LRRFIP1: variants seen among roughly 807,000 people sequenced by gnomAD.
LRRFIP1 encodes LRR binding FLII interacting protein 1, also known as leucine-rich repeat flightless-interacting protein 1.
LRRFIP1 carries 62 observed loss-of-function variants against 104.4 expected under a neutral mutation model. That is an observed-to-expected ratio of 0.59 (90% CI 0.48 to 0.73). The LOEUF (loss-of-function observed/expected upper bound fraction) is 0.73. LRRFIP1 is among the 30% of genes least tolerant of loss of function. The pLI, the probability that LRRFIP1 is intolerant of heterozygous loss-of-function variation, is 0.00. For synonymous variants in LRRFIP1, 300 were observed against 299.0 expected (o/e 1.00, Z -0.03); for missense variants, 796 against 824.5 (o/e 0.97, Z 0.42).
intron 19 of LRRFIP1, chr2:237,769,334 A>G (rs934117831): frequency 1.3e-5 from 2 of 152,464 alleles, no homozygotes; most frequent in African/African-American, 2.4e-5. Flanking sequence ...GACACTTAAC[A>G]TTTATGCATC....
At chr2:237,708,212 T>C (rs1000705096) in intron 1 of LRRFIP1, among the ~76,000 whole-genome samples, 6 of 152,220 alleles carry the variant, frequency 3.9e-5, no homozygotes, top group Non-Finnish European at 1.5e-5. Context: ...GCAAGTTACT[T>C]ACCCTCTCTG....
intron 1 of LRRFIP1, among the ~76,000 whole-genome samples, chr2:237,650,605 C>T (rs1015615035): frequency 2.6e-5 from 4 of 152,204 alleles, no homozygotes; most frequent in Non-Finnish European, 5.9e-5. Context: ...GCTGTAGGAG[C>T]AGCAGACCAG....
chr2:237,644,306 G>C (rs548444454), intron 1 of LRRFIP1, among the ~76,000 whole-genome samples: 4 of 152,362 alleles, frequency 2.6e-5, no homozygotes, highest in Non-Finnish European at 2.9e-5. Flanking sequence ...AAGTCACTTG[G>C]ACCAAGGTTT....
chr2:237,656,456 G>A (rs969247830), intron 1 of LRRFIP1, among the ~76,000 whole-genome samples: 3 of 152,190 alleles, frequency 2.0e-5, no homozygotes, highest in African/African-American at 7.2e-5. Context: ...ACTTGCTGAG[G>A]AAGGTAAGTT....
Position 237,781,637 on chromosome 2 carries a change from G to A in LRRFIP1, c.*2105G>A, listed in dbSNP as rs1480873450. On this transcript the variant is annotated 3_prime_UTR_variant, in exon 24 of 24. Transcript: ENST00000308482. The stretch of plus-strand genomic sequence containing the variant: ...TTAGTAAAATAAAACTTTTTTTGCA[G>A]ATGTAACGAATGGAAATTGGTTGCT... 6.6e-6 allele frequency among the ~76,000 whole-genome samples: 1 copy of A among 152,144 alleles called. No individual in the cohort carries two copies. Among genetic ancestry groups the A allele is most frequent in the African/African-American group, 2.4e-5 (1 of 41,432 alleles).
At chr2:237,708,008 C>A (rs2093898068) in intron 1 of LRRFIP1, among the ~76,000 whole-genome samples, 1 of 152,230 alleles carries the variant, frequency 6.6e-6, no homozygotes, top group Non-Finnish European at 1.5e-5. Flanking sequence ...CCCAGCTCCA[C>A]GCCAGCCAGC....
At chr2:237,675,199 A>T (rs2090970910) in intron 1 of LRRFIP1, among the ~76,000 whole-genome samples, 1 of 152,148 alleles carries the variant, frequency 6.6e-6, no homozygotes, top group Non-Finnish European at 1.5e-5. Context: ...CTTTGTCTCC[A>T]GCCCTAGCTG....
rs59469398 is a variant in LRRFIP1, at chr2:237,779,880, G to GTT, written c.*361_*362dup. 1.1e-3 allele frequency: 177 copies of GTT among 154,426 alleles called. No homozygotes were observed. The highest frequency in any genetic ancestry group is 6.9e-3 in the South Asian group (38 of 5,502). The allele number at this position is 154,426 out of a possible 1,614,324, so 9.6% of individuals were successfully genotyped here. On this transcript the variant is annotated 3_prime_UTR_variant, in exon 24 of 24. Transcript: ENST00000308482. Reference sequence around the variant, plus strand: ...AAGTAAAGATTCAGTTGGGACTTGAGTTTTTTTTTTTTTTCATGTGTCTTG... The same window carrying GTT: ...AAGTAAAGATTCAGTTGGGACTTGAGTTTTTTTTTTTTTTTTCATGTGTCTTG...
intron 1 of LRRFIP1, among the ~76,000 whole-genome samples, chr2:237,706,846 T>G (rs986453982): frequency 1.3e-5 from 2 of 152,180 alleles, no homozygotes; most frequent in South Asian, 4.2e-4. Flanking sequence ...CAGGCTGGTC[T>G]CGAACTCTTG....
chr2:237,758,862 A>G, intron 18 of LRRFIP1, 41 bp downstream of exon 18: 1 of 1,518,684 alleles, frequency 6.6e-7, no homozygotes, highest in South Asian at 1.2e-5. Context: ...AAAAAAGAAA[A>G]AAAATCCAGG....
chr2:237,732,286 T>C (rs901727486), intron 8 of LRRFIP1, among the ~76,000 whole-genome samples: 1 of 152,110 alleles, frequency 6.6e-6, no homozygotes, highest in African/African-American at 2.4e-5. Context: ...GCCGTGAGGG[T>C]GTGAGCCTCT....
chr2:237,706,493 C>T (rs1181684173), intron 1 of LRRFIP1, among the ~76,000 whole-genome samples: 1 of 152,202 alleles, frequency 6.6e-6, no homozygotes, highest in African/African-American at 2.4e-5. Flanking sequence ...TGGCACAGAG[C>T]CACCTGCCTT....
At chr2:237,704,334 AG>A (rs2093699603) in intron 1 of LRRFIP1, among the ~76,000 whole-genome samples, 1 of 151,622 alleles carries the variant, frequency 6.6e-6, no homozygotes, top group African/African-American at 2.4e-5. Flanking sequence ...TTGTATTTTT[AG>A]TAGAGACAGG....
Position 237,719,090 on chromosome 2 carries a change from G to T in LRRFIP1, c.250-433G>T, listed in dbSNP as rs533751903. ...GAGATGTCCAAGTGTGAAAAACCGTGTGTGTCTTAGAATCCACAATACATA... is the reference window on the plus strand; with the variant it reads ...GAGATGTCCAAGTGTGAAAAACCGTTTGTGTCTTAGAATCCACAATACATA... On this transcript the variant is annotated intron_variant, in intron 4 of 23. Coordinates refer to ENST00000308482, the MANE Select transcript of LRRFIP1 (RefSeq NM_001137550.2). Among the ~76,000 whole-genome samples the T allele has an allele frequency of 2.6e-5, 4 of 152,276 alleles. 1 individual carries two copies. Among genetic ancestry groups the T allele is most frequent in the Admixed American group, 2.6e-4 (4 of 15,300 alleles).
Position 237,719,661 on chromosome 2 carries a change from T to A in LRRFIP1, c.294+94T>A, listed in dbSNP as rs1324731656. 6 of 761,336 alleles carry A rather than the reference T, an allele frequency of 7.9e-6. No homozygotes were observed. In the East Asian group the frequency reaches 1.6e-4, roughly 21 times the overall value. 47.2% of individuals were successfully genotyped at this position (761,336 alleles called of 1,614,324 possible). A position where few individuals can be genotyped will look rare whatever the true frequency, so the allele number is the denominator to read the frequency against. ...AGTATATATAATATATTCAATCTCT[T>A]AATGATGATATCATCTCTTAAAGAA... On this transcript the variant is annotated intron_variant, in intron 5 of 23. Transcript: ENST00000308482.
intron 1 of LRRFIP1, among the ~76,000 whole-genome samples, chr2:237,669,511 T>C (rs1055989828): frequency 6.6e-6 from 1 of 152,236 alleles, no homozygotes; most frequent in Non-Finnish European, 1.5e-5. Context: ...CTTATTAACC[T>C]TTTTCATAGT....
At chr2:237,656,838 T>A (rs1430751270) in intron 1 of LRRFIP1, among the ~76,000 whole-genome samples, 2 of 152,242 alleles carry the variant, frequency 1.3e-5, no homozygotes, top group Non-Finnish European at 2.9e-5. Context: ...TAAGTACTAT[T>A]TGTGATTAAT....
At chr2:237,774,508 T>G (rs768784456) in intron 23 of LRRFIP1, 46 bp downstream of exon 23, 1 of 1,279,330 alleles carries the variant, frequency 7.8e-7, no homozygotes, top group South Asian at 1.2e-5. Context: ...CTGCCAGTAT[T>G]TCTCTAGTGG....
chr2:237,708,675 G>A (rs540806655), intron 2 of LRRFIP1, 45 bp downstream of exon 2: 38 of 1,555,166 alleles, frequency 2.4e-5, no homozygotes, highest in South Asian at 1.5e-4. Context: ...AGTGATTTGC[G>A]TGCTGGGCCC....
Sources: gnomAD v4.1 joint callset for allele counts (sites outside exome capture counted in the v4.1 genomes callset) on GRCh38, gnomAD v4.1.1 for gene constraint, MANE v1.5 for transcripts, NCBI Gene and HGNC (gene_info 2026-07-23, HGNC 2026-07-21) for gene names.